The following AMZ2 variants were observed in gnomAD, a reference collection of about 807,000 sequenced individuals.
AMZ2 encodes the protein archaelysin family metallopeptidase 2.
AMZ2 carries 26 observed loss-of-function variants against 36.7 expected under a neutral mutation model. That is an observed-to-expected ratio of 0.71 (90% CI 0.52 to 0.98). The LOEUF is 0.98. Ranked by LOEUF, AMZ2 falls within the 50% of genes least tolerant of loss-of-function variation. AMZ2 has a pLI of 0.00. For synonymous variants in AMZ2, 144 were observed against 149.1 expected, an observed-to-expected ratio of 0.97 and a Z score of 0.25; for missense variants, 394 against 430.5, an observed-to-expected ratio of 0.92 and a Z score of 0.75.
At chr17:68,211,820 G>A (rs868914269) in intron 1 of AMZ2, among the ~76,000 whole-genome samples, 1,469 of 123,160 alleles carry the variant, frequency 0.012, 28 homozygotes, top group East Asian at 0.034. Context: ...ATATGTATGT[G>A]TATGTATATG....
intron 1 of AMZ2, among the ~76,000 whole-genome samples, chr17:68,208,568 C>T (rs576996039): frequency 1.3e-5 from 2 of 152,204 alleles, no homozygotes; most frequent in South Asian, 4.1e-4. Context: ...TTGAGTGGGG[C>T]CTGATAAGAA....
chr17:68,237,615 C>A (rs1198743954), intron 1 of AMZ2, among the ~76,000 whole-genome samples: 2 of 152,184 alleles, frequency 1.3e-5, no homozygotes, highest in East Asian at 3.8e-4. Flanking sequence ...GTATTTGAGA[C>A]AAGCTGTTAA....
chr17:68,224,014 C>T (rs797023506), intron 1 of AMZ2, among the ~76,000 whole-genome samples: 126 of 152,064 alleles, frequency 8.3e-4, no homozygotes, highest in African/African-American at 2.3e-3. Context: ...CTCAGCCTCC[C>T]GAGTAGCTGG....
intron 1 of AMZ2, among the ~76,000 whole-genome samples, chr17:68,211,672 G>C (rs1555725922): frequency 2.1e-5 from 3 of 143,046 alleles, no homozygotes; most frequent in Non-Finnish European, 4.5e-5. Flanking sequence ...ATGAAGAATT[G>C]GGAAAACATA....
intron 1 of AMZ2, among the ~76,000 whole-genome samples, chr17:68,219,377 A>G (rs1555728010): frequency 6.6e-6 from 1 of 152,196 alleles, no homozygotes; most frequent in Non-Finnish European, 1.5e-5. Context: ...TGTTTGCCAC[A>G]TGGCAAATCC....
intron 1 of AMZ2, among the ~76,000 whole-genome samples, chr17:68,220,750 C>T (rs540991653): frequency 2.0e-5 from 3 of 150,952 alleles, no homozygotes; most frequent in East Asian, 3.9e-4. Context: ...CATCTACGTG[C>T]AATCAGGGAC....
Position 68,250,289 on chromosome 17 carries a change from A to G in AMZ2, c.102A>G (p.Gln34=), listed in dbSNP as rs1216722985. 2.5e-6 allele frequency: 4 copies of G among 1,614,082 alleles called. No individual in the cohort carries two copies. The African/African-American group carries it at 4.0e-5, about 16-fold the overall frequency. Residue 34 remains glutamine, a synonymous_variant, in exon 2 of 7, where the codon CAA becomes CAG. Coordinates refer to ENST00000359904, the MANE Select transcript of AMZ2 (RefSeq NM_016627.5). ...ATGAGAAATTAAATGCTGGGGAACA[A>G]CGTTTAATGAATGAAGCCTTCCAGC... ...SQYEKLNAGE[Q]RLMNEAFQPA... is the part of the protein sequence containing the mutation.
At chr17:68,210,962 G>A (rs1187517997) in intron 1 of AMZ2, among the ~76,000 whole-genome samples, 2 of 145,084 alleles carry the variant, frequency 1.4e-5, no homozygotes, top group Non-Finnish European at 3.0e-5. Flanking sequence ...AAAAAAGGGG[G>A]GGGGGGAGGT....
At chr17:68,247,811 T>C (rs1187503459), upstream of AMZ2, 5 of 985,548 alleles carry the variant, frequency 5.1e-6, no homozygotes, top group East Asian at 5.7e-4. Flanking sequence ...AAGCGAGGAA[T>C]CGGCGACTGC....
intron 1 of AMZ2, among the ~76,000 whole-genome samples, chr17:68,234,049 C>T (rs1386208251): frequency 1.3e-5 from 2 of 152,114 alleles, no homozygotes; most frequent in Non-Finnish European, 2.9e-5. Context: ...GAACAAGTAG[C>T]ATTCGGGCTC....
Position 68,248,242 on chromosome 17 carries a change from GCCGCGGGGT to G in AMZ2, c.-453_-445del, listed in dbSNP as rs1449657592. On this transcript the variant is annotated 5_prime_UTR_variant, in exon 1 of 7. Transcript: ENST00000359904. Reference sequence around the variant, plus strand: ...TGTAGGAGGGGCGGACGTGGCGGAAGCCGCGGGGTCCGCGGGGTCGGTGCCTCTAGGGAG... The same window carrying G: ...TGTAGGAGGGGCGGACGTGGCGGAAGCCGCGGGGTCGGTGCCTCTAGGGAG... The G allele has an allele frequency of 5.1e-6, 5 of 985,854 alleles. No homozygotes were observed. Among genetic ancestry groups the G allele is most frequent in the Admixed American group, 6.1e-5 (1 of 16,276 alleles). The allele number at this position is 985,854 out of a possible 1,614,324, so 61.1% of individuals were successfully genotyped here. A position where few individuals can be genotyped will look rare whatever the true frequency, so the allele number is the denominator to read the frequency against.
chr17:68,251,949 T>G (rs1296978772), intron 4 of AMZ2, among the ~76,000 whole-genome samples: 1 of 152,142 alleles, frequency 6.6e-6, no homozygotes, highest in South Asian at 2.1e-4. Flanking sequence ...TAATAAACCT[T>G]GACTCATTAG....
chr17:68,256,880 G>A lies in AMZ2; in HGVS notation c.994G>A (p.Glu332Lys), dbSNP rs1400096672. The change falls in exon 7 of 7, where the codon GAG becomes AAG. Residue 332 changes from glutamate (E) to lysine (K), a missense_variant. Physicochemically the swap from Glu to Lys is moderately conservative, Grantham distance 56. Coordinates refer to ENST00000359904, the MANE Select transcript of AMZ2 (RefSeq NM_016627.5). ...TGGAGCAACTCCAGAACACAGTCAC[G>A]AGGATAATGGGAATTTACCGAAACC... is the stretch of plus-strand genomic sequence containing the variant. ...TPGATPEHSH[E>K]DNGNLPKPVE... The A allele has an allele frequency of 1.2e-6, 2 of 1,614,158 alleles. No homozygotes were observed. The highest frequency in any genetic ancestry group is 2.2e-5 in the East Asian group (1 of 44,886).
intron 1 of AMZ2, among the ~76,000 whole-genome samples, chr17:68,229,494 C>T (rs1555730702): frequency 1.3e-5 from 2 of 152,182 alleles, no homozygotes; most frequent in Non-Finnish European, 2.9e-5. Context: ...TTTTGAGGGA[C>T]ATTTTACTTT....
At position 68,254,569 on chromosome 17, in the gene AMZ2, T is replaced by C. The variant is rs370870657; in HGVS notation, c.750+2T>C. ...GTTTTACTACTTCGATCCTGTAAGG[T>C]AAGTTATTACAAAAATCTGACAGGA... On this transcript the variant is annotated splice_donor_variant, in intron 5 of 6. Coordinates refer to ENST00000359904, the MANE Select transcript of AMZ2 (RefSeq NM_016627.5). LOFTEE classifies it high-confidence loss of function. The C allele has an allele frequency of 6.2e-7, 1 of 1,607,160 alleles. No homozygotes were observed. The highest frequency in any genetic ancestry group is 8.5e-7 in the Non-Finnish European group (1 of 1,175,888).
At chr17:68,246,427 G>C (rs3760270), upstream of AMZ2, among the ~76,000 whole-genome samples, 258 of 152,164 alleles carry the variant, frequency 1.7e-3, no homozygotes, top group African/African-American at 6.1e-3. Flanking sequence ...AAGAGGTCAA[G>C]TAGTTGACAC....
intron 1 of AMZ2, among the ~76,000 whole-genome samples, chr17:68,218,030 T>G (rs2073246350): frequency 6.6e-6 from 1 of 152,118 alleles, no homozygotes; most frequent in South Asian, 2.1e-4. Flanking sequence ...GCCAGGATGG[T>G]CTCGATCTCC....
chr17:68,221,198 C>T (rs1375413627), intron 1 of AMZ2, among the ~76,000 whole-genome samples: 2 of 110,562 alleles, frequency 1.8e-5, no homozygotes, highest in Non-Finnish European at 3.7e-5. Flanking sequence ...CTTCCTGCCT[C>T]AGCCCTCAGC....
chr17:68,250,268 G>A lies in AMZ2; in HGVS notation c.81G>A (p.Glu27=). 6.2e-7 allele frequency: 1 copy of A among 1,614,154 alleles called. No individual in the cohort carries two copies. The highest frequency in any genetic ancestry group is 8.5e-7 in the Non-Finnish European group (1 of 1,180,036). The change falls in exon 2 of 7, where the codon GAG becomes GAA. Residue 27 remains glutamate, a synonymous_variant. Coordinates refer to ENST00000359904, the MANE Select transcript of AMZ2 (RefSeq NM_016627.5). Reference sequence around the variant, plus strand: ...ACCCAGTGCTTGTATCACAGTATGAGAAATTAAATGCTGGGGAACAACGTT... The same window carrying A: ...ACCCAGTGCTTGTATCACAGTATGAAAAATTAAATGCTGGGGAACAACGTT... ...SKNPVLVSQY[E]KLNAGEQRLM...
Sources: gnomAD v4.1 joint callset for allele counts (sites outside exome capture counted in the v4.1 genomes callset) on GRCh38, gnomAD v4.1.1 for gene constraint, MANE v1.5 for transcripts, NCBI Gene and HGNC (gene_info 2026-07-23, HGNC 2026-07-21) for gene names.